PTPRN2: variants seen among roughly 807,000 people sequenced by gnomAD.
The protein encoded by PTPRN2 is protein tyrosine phosphatase receptor type N2.
In PTPRN2, 74 loss-of-function variants were observed where a neutral mutation model predicts 118.8. The observed-to-expected ratio is 0.62, with a 90% CI of 0.52 to 0.76. The LOEUF (loss-of-function observed/expected upper bound fraction) is 0.76, where lower values mean the gene tolerates loss of function less well. PTPRN2 is among the 30% of genes least tolerant of loss of function. PTPRN2 has a pLI of 0.00. For missense variants in PTPRN2, 1,481 were observed against 1,394.4 expected, an observed-to-expected ratio of 1.06 and a Z score of -0.99; for synonymous variants, 641 against 608.0, an observed-to-expected ratio of 1.05 and a Z score of -0.80.
intron 12 of PTPRN2, among the ~76,000 whole-genome samples, chr7:157,870,349 C>A (rs1441138363): frequency 6.6e-6 from 1 of 152,204 alleles, no homozygotes; most frequent in East Asian, 1.9e-4. Context: ...TCTTCAATAT[C>A]ATCTCATTCT....
chr7:158,525,943 G>A lies in PTPRN2; in HGVS notation c.113-36158C>T, dbSNP rs1436536086. Among the ~76,000 whole-genome samples, 1 of 152,156 alleles carries A rather than the reference G, an allele frequency of 6.6e-6. No individual in the cohort carries two copies. Among genetic ancestry groups the A allele is most frequent in the Non-Finnish European group, 1.5e-5 (1 of 68,026 alleles). On this transcript the variant is annotated intron_variant, in intron 1 of 22. Transcript: ENST00000389418. This position sits in a 1 kb window ranked among gnomAD's most constrained non-coding sequence, Gnocchi z 4.1. The stretch of plus-strand genomic sequence containing the variant: ...ACCCAAGCTCTCCTGAAGCCTTAGG[G>A]TCTCAACATCCCAAGCCGACAATGC...
intron 2 of PTPRN2, among the ~76,000 whole-genome samples, chr7:158,351,973 A>T (rs71544574): frequency 0.026 from 522 of 20,212 alleles, 2 homozygotes; most frequent in African/African-American, 0.064. Flanking sequence ...TCCCCTCCTG[A>T]CCGCTCCCCT....
intron 3 of PTPRN2, among the ~76,000 whole-genome samples, chr7:158,275,681 G>C (rs1273130402): frequency 6.6e-6 from 1 of 152,146 alleles, no homozygotes; most frequent in Non-Finnish European, 1.5e-5. Context: ...GGTGAGAATC[G>C]AGGTACTACG....
intron 1 of PTPRN2, among the ~76,000 whole-genome samples, chr7:158,571,173 TGGC>T (rs1395458742): frequency 6.6e-6 from 1 of 152,196 alleles, no homozygotes; most frequent in Non-Finnish European, 1.5e-5. Flanking sequence ...TGCCGTGTGT[TGGC>T]ACACTTCATG....
chr7:158,238,678 A>G (rs1380164467), intron 3 of PTPRN2, among the ~76,000 whole-genome samples: 1 of 152,186 alleles, frequency 6.6e-6, no homozygotes, highest in Non-Finnish European at 1.5e-5. Context: ...TCGCAGCTCC[A>G]CACGGACAGA....
At chr7:157,722,034 C>T (rs924561166) in intron 12 of PTPRN2, among the ~76,000 whole-genome samples, 4 of 152,186 alleles carry the variant, frequency 2.6e-5, no homozygotes, top group African/African-American at 9.7e-5. Context: ...TCGCCCCCCA[C>T]CCCCGGAGCA....
At chr7:157,706,177 C>T (rs1165389147) in intron 12 of PTPRN2, among the ~76,000 whole-genome samples, 1 of 150,896 alleles carries the variant, frequency 6.6e-6, no homozygotes, top group Non-Finnish European at 1.5e-5. Flanking sequence ...GATCAATGTG[C>T]ACTACACCCC....
chr7:157,942,600 T>G (rs544666506), intron 11 of PTPRN2, among the ~76,000 whole-genome samples: 7 of 152,044 alleles, frequency 4.6e-5, no homozygotes. Context: ...GGAATATGAC[T>G]CCACCAGCTC....
intron 12 of PTPRN2, among the ~76,000 whole-genome samples, chr7:157,766,463 A>G (rs1167142276): frequency 6.6e-6 from 1 of 152,056 alleles, no homozygotes; most frequent in East Asian, 1.9e-4. Flanking sequence ...TCCTCCATCC[A>G]TCTATCCACC....
intron 5 of PTPRN2, among the ~76,000 whole-genome samples, chr7:158,190,412 G>A (rs1339357840): frequency 6.6e-6 from 1 of 152,224 alleles, no homozygotes; most frequent in Admixed American, 6.5e-5. Flanking sequence ...AGTGTTAAGT[G>A]GACCAGACCC....
intron 13 of PTPRN2, among the ~76,000 whole-genome samples, chr7:157,656,830 T>C (rs1806135703): frequency 1.4e-5 from 2 of 143,360 alleles, no homozygotes; most frequent in East Asian, 2.1e-4. Context: ...CACACACACA[T>C]ATACACACAC....
chr7:158,402,996 C>T (rs1161321612), intron 2 of PTPRN2, among the ~76,000 whole-genome samples: 3 of 152,232 alleles, frequency 2.0e-5, no homozygotes, highest in Admixed American at 1.3e-4. Flanking sequence ...CCATGAGCAG[C>T]CCCATCCCTT....
At chr7:158,048,089 C>G (rs1321187551) in intron 11 of PTPRN2, among the ~76,000 whole-genome samples, 1 of 151,990 alleles carries the variant, frequency 6.6e-6, no homozygotes, top group African/African-American at 2.4e-5. Context: ...TCTAAGGACA[C>G]TTTCTGTCTA....
chr7:158,332,281 A>C (rs1482494240), intron 2 of PTPRN2, among the ~76,000 whole-genome samples: 1 of 147,234 alleles, frequency 6.8e-6, no homozygotes, highest in Non-Finnish European at 1.5e-5. Context: ...TCACGATAAG[A>C]GGTGACATCT....
chr7:158,478,326 T>G (rs1300774604), intron 2 of PTPRN2, among the ~76,000 whole-genome samples: 1 of 152,102 alleles, frequency 6.6e-6, no homozygotes, highest in Non-Finnish European at 1.5e-5. Flanking sequence ...CTCGGAAAAC[T>G]GCAGACTGGA....
chr7:157,825,529 G>T (rs886888864), intron 12 of PTPRN2, among the ~76,000 whole-genome samples: 5 of 152,198 alleles, frequency 3.3e-5, no homozygotes, highest in Non-Finnish European at 7.3e-5. Context: ...ACACGTGTTT[G>T]CCAGTGAACA....
chr7:158,195,438 TTTC>T (rs1826138062), intron 4 of PTPRN2, among the ~76,000 whole-genome samples: 1 of 152,158 alleles, frequency 6.6e-6, no homozygotes, highest in African/African-American at 2.4e-5. Context: ...AGTCTTCATG[TTTC>T]TTTTTTAGGG....
At chr7:158,337,679 C>G (rs867066040) in intron 2 of PTPRN2, among the ~76,000 whole-genome samples, 1 of 127,590 alleles carries the variant, frequency 7.8e-6, no homozygotes, top group African/African-American at 2.6e-5. Flanking sequence ...CACCTGCAGA[C>G]GTCACTCACA....
chr7:158,149,612 G>T (rs1055031111), intron 6 of PTPRN2, among the ~76,000 whole-genome samples: 1 of 152,100 alleles, frequency 6.6e-6, no homozygotes, highest in South Asian at 2.1e-4. Flanking sequence ...AGACCAGCCT[G>T]GCCAACATGG....
Sources: allele counts gnomAD v4.1 joint callset (sites outside exome capture counted in the v4.1 genomes callset), GRCh38; gene constraint gnomAD v4.1.1; non-coding constraint Gnocchi (gnomAD v3.1); transcripts MANE v1.5; gene names NCBI Gene and HGNC (gene_info 2026-07-23, HGNC 2026-07-21).